Variants in NINL observed in about 807,000 individuals in gnomAD.
The protein encoded by NINL is ninein-like protein.
Under a neutral mutation model 160.3 loss-of-function variants are expected in NINL, and 153 were observed. The observed-to-expected ratio is 0.95, with a 90% CI of 0.84 to 1.09. The LOEUF (loss-of-function observed/expected upper bound fraction) is 1.09, where lower values mean the gene tolerates loss of function less well. Ranked by LOEUF, NINL falls within the 50% of genes least tolerant of loss-of-function variation. The probability of loss-of-function intolerance (pLI) is 0.00; values close to 1 mark genes in which losing one functional copy is unlikely to be tolerated. For synonymous variants in NINL, 800 were observed against 734.8 expected (o/e 1.09, Z -1.43); for missense variants, 1,829 against 1,764.0 (o/e 1.04, Z -0.66).
chr20:25,489,210 A>G, intron 13 of NINL, 34 bp downstream of exon 13: 1 of 1,602,648 alleles, frequency 6.2e-7, no homozygotes, highest in South Asian at 1.1e-5. Flanking sequence ...GAGCCTGGAC[A>G]TGAGACTAAA....
At chr20:25,583,675 GTA>G (rs1180268341) in intron 1 of NINL, among the ~76,000 whole-genome samples, 1 of 152,194 alleles carries the variant, frequency 6.6e-6, no homozygotes, top group Non-Finnish European at 1.5e-5. Context: ...ACATAAACGT[GTA>G]TGTTTATTGC....
intron 4 of NINL, among the ~76,000 whole-genome samples, chr20:25,511,965 C>T (rs143542228): frequency 1.4e-4 from 22 of 152,174 alleles, no homozygotes; most frequent in Admixed American, 1.3e-3. Context: ...AACCAGGAAC[C>T]TTTTGGAATC....
intron 1 of NINL, among the ~76,000 whole-genome samples, chr20:25,561,741 T>G (rs6050682): frequency 0.97 from 143,696 of 148,036 alleles, 69,845 homozygotes; most frequent in Non-Finnish European, 1. Flanking sequence ...TCTGGGAGGT[T>G]AGGAGCGTCT....
chr20:25,517,558 T>A (rs1000878738), intron 3 of NINL, among the ~76,000 whole-genome samples, 195 bp downstream of exon 3: 1 of 152,230 alleles, frequency 6.6e-6, no homozygotes, highest in Admixed American at 6.5e-5. Context: ...TGCACGTTAT[T>A]ATATGACACT....
chr20:25,570,478 G>A (rs921806332), intron 1 of NINL, among the ~76,000 whole-genome samples: 4 of 151,934 alleles, frequency 2.6e-5, no homozygotes, highest in South Asian at 2.1e-4. Flanking sequence ...CTCCCCACTC[G>A]CCTTCCGCCA....
chr20:25,582,042 G>T (rs905299456), intron 1 of NINL, among the ~76,000 whole-genome samples: 10 of 152,106 alleles, frequency 6.6e-5, no homozygotes, highest in Non-Finnish European at 1.2e-4. Context: ...TGGATCACGA[G>T]GTCAGGAGAT....
rs1291191866 is a variant in NINL at position 25,474,776 on chromosome 20, G to A, written c.3248+1267C>T. Among the ~76,000 whole-genome samples the A allele has an allele frequency of 4.0e-5, 6 of 150,806 alleles. No individual in the cohort carries two copies. In the East Asian group the frequency reaches 7.9e-4, roughly 20 times the overall value. ...ACTACAAGCGCATGCCACCATGCCC[G>A]GCTAATTTTTGTATTTTTTTTTTTT... On this transcript the variant is annotated intron_variant, in intron 17 of 23. Transcript: ENST00000278886.
chr20:25,461,010 G>A (rs769182386), intron 21 of NINL, among the ~76,000 whole-genome samples: 1 of 152,056 alleles, frequency 6.6e-6, no homozygotes. Flanking sequence ...GCCCCTGCTC[G>A]GCTGCCCCTG....
At chr20:25,471,201 C>T (rs921387820) in intron 17 of NINL, among the ~76,000 whole-genome samples, 5 of 152,026 alleles carry the variant, frequency 3.3e-5, no homozygotes, top group African/African-American at 1.2e-4. Flanking sequence ...ATAGGTTGCC[C>T]AGGCTGGTCT....
intron 1 of NINL, among the ~76,000 whole-genome samples, chr20:25,557,161 A>C (rs2064876211): frequency 6.6e-6 from 1 of 152,228 alleles, no homozygotes. Context: ...TTATTTTTGA[A>C]AAGTAAGTGG....
chr20:25,459,051 C>T (rs937592348), intron 21 of NINL: 1 of 153,738 alleles, frequency 6.5e-6, no homozygotes, highest in Non-Finnish European at 1.4e-5. Flanking sequence ...AAACTGTGCA[C>T]CACTATGCCA....
chr20:25,504,703 C>T (rs45479200), intron 6 of NINL, among the ~76,000 whole-genome samples, 185 bp downstream of exon 6: 5,933 of 152,318 alleles, frequency 0.039, 143 homozygotes, highest in Non-Finnish European at 0.06. Context: ...CCATCAGAGA[C>T]GGGCTTTCAA....
At position 25,463,680 on chromosome 20, in the gene NINL, C is replaced by T. The variant is rs763262931; in HGVS notation, c.3424-1139G>A. 5.9e-5 allele frequency among the ~76,000 whole-genome samples: 9 copies of T among 152,212 alleles called. No individual in the cohort carries two copies. In the East Asian group the frequency reaches 1.3e-3, roughly 23 times the overall value. On this transcript the variant is annotated intron_variant, in intron 19 of 23. Coordinates refer to ENST00000278886, the MANE Select transcript of NINL (RefSeq NM_025176.6). ...GGGTTTGGAGTGATGTCCTCTGACC[C>T]GCTCTCAGCACAATCGACCACGCAC...
At chr20:25,531,333 G>A (rs878979299) in intron 1 of NINL, among the ~76,000 whole-genome samples, 1 of 152,044 alleles carries the variant, frequency 6.6e-6, no homozygotes, top group Non-Finnish European at 1.5e-5. Flanking sequence ...ATCATCACAG[G>A]GTCCTGAGGC....
intron 13 of NINL, among the ~76,000 whole-genome samples, chr20:25,487,770 C>A (rs1463692786): frequency 6.6e-6 from 1 of 152,242 alleles, no homozygotes; most frequent in Non-Finnish European, 1.5e-5. Context: ...TTTTCTTCTA[C>A]ACAGAATTTT....
In NINL at chr20:25,491,236, CAT is replaced by C. The variant is rs1601128740; in HGVS notation, c.1485+113_1485+114del. ...TGCTCCCTCGGGCCCTGCCCTGAAA[CAT>C]AAGCTTGAGGGCACTGGCAGGTGTG... On this transcript the variant is annotated intron_variant, in intron 11 of 23. Coordinates refer to ENST00000278886, the MANE Select transcript of NINL (RefSeq NM_025176.6). The C allele has an allele frequency of 5.5e-5, 72 of 1,309,882 alleles. 1 individual carries two copies. In the East Asian group the frequency reaches 1.7e-3, roughly 31 times the overall value. 81.1% of individuals were successfully genotyped at this position (1,309,882 alleles called of 1,614,324 possible).
At chr20:25,526,251 A>G (rs1485097526) in intron 2 of NINL, among the ~76,000 whole-genome samples, 157 bp downstream of exon 2, 1 of 152,268 alleles carries the variant, frequency 6.6e-6, no homozygotes, top group Non-Finnish European at 1.5e-5. Context: ...TCTACAATGT[A>G]GAATTTCCAT....
intron 1 of NINL, among the ~76,000 whole-genome samples, chr20:25,542,794 G>A (rs1273187357): frequency 1.4e-5 from 2 of 145,184 alleles, no homozygotes; most frequent in Non-Finnish European, 3.0e-5. Context: ...ACTTTGGGAG[G>A]CTGAGGCGGG....
intron 1 of NINL, 58 bp from the exon 2 acceptor site, chr20:25,526,656 T>G: frequency 3.3e-6 from 5 of 1,514,918 alleles, no homozygotes; most frequent in African/African-American, 1.4e-5. Context: ...TCCCCTCCCA[T>G]TCCCACACTG....
Sources: allele counts gnomAD v4.1 joint callset (sites outside exome capture counted in the v4.1 genomes callset), GRCh38; gene constraint gnomAD v4.1.1; transcripts MANE v1.5; gene names NCBI Gene and HGNC (gene_info 2026-07-23, HGNC 2026-07-21).